FAM171B: variants seen among roughly 807,000 people sequenced by gnomAD.
FAM171B encodes family with sequence similarity 171 member B.
In FAM171B, 19 loss-of-function variants were observed where a neutral mutation model predicts 75.6. That is an observed-to-expected ratio of 0.25 (90% CI 0.18 to 0.37). FAM171B has a LOEUF of 0.37. Ranked by LOEUF, FAM171B falls within the 10% of genes least tolerant of loss-of-function variation. FAM171B has a pLI of 1.00. For synonymous variants in FAM171B, 367 were observed against 361.7 expected (o/e 1.01, Z -0.17); for missense variants, 848 against 982.4 (o/e 0.86, Z 1.83).
At chr2:186,722,353 T>C (rs1486331571) in intron 1 of FAM171B, among the ~76,000 whole-genome samples, 1 of 152,204 alleles carries the variant, frequency 6.6e-6, no homozygotes, top group Non-Finnish European at 1.5e-5. Flanking sequence ...CAAGCCTGTA[T>C]ACATTCTAAG....
chr2:186,698,342 G>A (rs1028691575), intron 1 of FAM171B, among the ~76,000 whole-genome samples: 1 of 152,052 alleles, frequency 6.6e-6, no homozygotes, highest in Non-Finnish European at 1.5e-5. Flanking sequence ...ATATTTCAGT[G>A]ATATCTATTT....
chr2:186,700,146 T>C (rs527946857), intron 1 of FAM171B, among the ~76,000 whole-genome samples: 103 of 152,200 alleles, frequency 6.8e-4, no homozygotes, highest in African/African-American at 2.4e-3. Context: ...TTTTAGGTTA[T>C]TTTTTTCTAT....
At chr2:186,734,350 C>T (rs1228269012) in intron 1 of FAM171B, among the ~76,000 whole-genome samples, 5 of 151,728 alleles carry the variant, frequency 3.3e-5, no homozygotes, top group African/African-American at 7.3e-5. Flanking sequence ...CAGGTCATCC[C>T]GATGAGTACA....
chr2:186,725,285 A>G (rs1252429255), intron 1 of FAM171B, among the ~76,000 whole-genome samples: 1 of 150,930 alleles, frequency 6.6e-6, no homozygotes, highest in Non-Finnish European at 1.5e-5. Flanking sequence ...CGGAGCTTGC[A>G]GTGAGCCGAG....
intron 2 of FAM171B, 61 bp downstream of exon 2, chr2:186,740,522 C>T (rs139703519): frequency 1.5e-6 from 2 of 1,376,108 alleles, no homozygotes; most frequent in African/African-American, 1.5e-5. Flanking sequence ...ATTATTTTCT[C>T]TGTTTGGGGG....
chr2:186,698,797 C>T (rs1357791164), intron 1 of FAM171B, among the ~76,000 whole-genome samples: 1 of 152,130 alleles, frequency 6.6e-6, no homozygotes, highest in Non-Finnish European at 1.5e-5. Flanking sequence ...AATACCCTTC[C>T]CAGACTCTGG....
chr2:186,698,871 G>A (rs1689617046), intron 1 of FAM171B, among the ~76,000 whole-genome samples: 1 of 152,078 alleles, frequency 6.6e-6, no homozygotes, highest in Non-Finnish European at 1.5e-5. Context: ...TCCCACAAAT[G>A]AGTGAGAATA....
intron 1 of FAM171B, among the ~76,000 whole-genome samples, chr2:186,707,841 T>A (rs577811770): frequency 0.044 from 6,358 of 144,306 alleles, 388 homozygotes; most frequent in African/African-American, 0.13. Flanking sequence ...TTTTTTTTTT[T>A]AAAAAAAAAA....
intron 7 of FAM171B, 93 bp downstream of exon 7, chr2:186,761,329 T>C: frequency 1.4e-6 from 2 of 1,471,294 alleles, no homozygotes; most frequent in Non-Finnish European, 1.8e-6. Context: ...TAGAAATAAA[T>C]TTAATCTTAT....
intron 1 of FAM171B, among the ~76,000 whole-genome samples, chr2:186,718,803 T>A (rs1689909225): frequency 6.6e-6 from 1 of 152,268 alleles, no homozygotes; most frequent in South Asian, 2.1e-4. Context: ...AATATTGAGA[T>A]GCTACCTACG....
intron 1 of FAM171B, among the ~76,000 whole-genome samples, chr2:186,705,691 T>C (rs551494118): frequency 2.2e-4 from 33 of 152,234 alleles, no homozygotes; most frequent in African/African-American, 7.7e-4. Flanking sequence ...GTGAAGGTTT[T>C]TTGTTGTTGT....
chr2:186,707,856 GT>G (rs1689754441), intron 1 of FAM171B, among the ~76,000 whole-genome samples: 2 of 145,608 alleles, frequency 1.4e-5, no homozygotes, highest in Admixed American at 1.4e-4. Context: ...AAAAAAAAAG[GT>G]TTTTCATTGA....
chr2:186,695,046 C>T (rs34483988), intron 1 of FAM171B: 44,392 of 152,024 alleles, frequency 0.29, 6,547 homozygotes, highest in South Asian at 0.38. Context: ...CAAAACAAAA[C>T]AGGAGTTTGT....
intron 4 of FAM171B, among the ~76,000 whole-genome samples, chr2:186,749,302 T>C (rs1241940964): frequency 6.6e-6 from 1 of 152,220 alleles, no homozygotes; most frequent in African/African-American, 2.4e-5. Context: ...CTGACTTGAC[T>C]TTATCTTAAA....
chr2:186,722,443 A>C (rs1188157469), intron 1 of FAM171B, among the ~76,000 whole-genome samples: 1 of 152,194 alleles, frequency 6.6e-6, no homozygotes, highest in East Asian at 1.9e-4. Context: ...AAAGGGACTT[A>C]ACTAGATTCA....
chr2:186,722,950 C>A (rs1689977512), intron 1 of FAM171B, among the ~76,000 whole-genome samples: 1 of 152,068 alleles, frequency 6.6e-6, no homozygotes, highest in South Asian at 2.1e-4. Flanking sequence ...TTTTTGTGGG[C>A]ATTTTCAGTT....
chr2:186,729,154 C>T (rs1282563591), intron 1 of FAM171B, among the ~76,000 whole-genome samples: 2 of 152,050 alleles, frequency 1.3e-5, no homozygotes, highest in African/African-American at 2.4e-5. Flanking sequence ...CTCACTGATA[C>T]GTATTTTATT....
rs367799938 is a variant in FAM171B, at chr2:186,762,832, G to T, written c.*9G>T. 1 of 1,601,772 alleles carries T rather than the reference G, an allele frequency of 6.2e-7. No individual in the cohort carries two copies. The highest frequency in any genetic ancestry group is 8.5e-7 in the Non-Finnish European group (1 of 1,173,752). ...TGATTCCCATAAATTAACTCCAATG[G>T]GGATTGTGTGTCTGCTGTCTCGTGC... On this transcript the variant is annotated 3_prime_UTR_variant, in exon 8 of 8. Coordinates refer to ENST00000304698, the MANE Select transcript of FAM171B (RefSeq NM_177454.4). The surrounding 1 kb of genome is among the most constrained non-coding windows in gnomAD (Gnocchi z 4.0).
chr2:186,699,576 G>T (rs1227968614), intron 1 of FAM171B, among the ~76,000 whole-genome samples: 1 of 152,130 alleles, frequency 6.6e-6, no homozygotes, highest in Non-Finnish European at 1.5e-5. Context: ...CATTCTATGG[G>T]TTATCTCTTC....
Sources: allele counts gnomAD v4.1 joint callset (sites outside exome capture counted in the v4.1 genomes callset), GRCh38; gene constraint gnomAD v4.1.1; non-coding constraint Gnocchi (gnomAD v3.1); transcripts MANE v1.5; gene names NCBI Gene and HGNC (gene_info 2026-07-23, HGNC 2026-07-21).